PIGL: variants seen among roughly 807,000 people sequenced by gnomAD.
The protein encoded by PIGL is phosphatidylinositol glycan anchor biosynthesis class L, also known as N-acetylglucosaminyl-phosphatidylinositol de-N-acetylase.
A neutral mutation model predicts 31.1 loss-of-function variants in PIGL; 22 were observed. The ratio of observed to expected loss-of-function variants is 0.71; its 90% CI spans 0.51 to 1.01. The LOEUF is 1.01. Among genes scored for constraint, PIGL ranks in the 50% least tolerant of loss-of-function variants. PIGL has a pLI of 0.00. For missense variants in PIGL, 302 were observed against 315.9 expected (o/e 0.96, Z 0.33); for synonymous variants, 131 against 117.4 (o/e 1.12, Z -0.75).
chr17:16,250,625 G>C (rs191415002), intron 2 of PIGL, among the ~76,000 whole-genome samples: 3 of 152,308 alleles, frequency 2.0e-5, no homozygotes, highest in Admixed American at 2.0e-4. Context: ...GAAGAATGAA[G>C]AGGAAGAAGA....
At chr17:16,312,132 GCTGCCC>G (rs1334266922) in intron 3 of PIGL, among the ~76,000 whole-genome samples, 1 of 145,822 alleles carries the variant, frequency 6.9e-6, no homozygotes, top group African/African-American at 2.6e-5. Flanking sequence ...CCGGGCGGGG[GCTGCCC>G]GCAGCCCCCC....
chr17:16,267,040 T>G (rs1056751097), intron 2 of PIGL, among the ~76,000 whole-genome samples: 2 of 152,038 alleles, frequency 1.3e-5, no homozygotes, highest in Non-Finnish European at 2.9e-5. Context: ...AATGAGAGGG[T>G]TAGGGTGCCA....
chr17:16,238,195 C>CAAAAA (rs529480311), intron 2 of PIGL, among the ~76,000 whole-genome samples: 1 of 57,552 alleles, frequency 1.7e-5, no homozygotes, highest in African/African-American at 6.4e-5. Flanking sequence ...GACTCCGTCT[C>CAAAAA]AAAAAAAAAA....
intron 3 of PIGL, among the ~76,000 whole-genome samples, chr17:16,308,301 C>T (rs545504609): frequency 7.3e-5 from 11 of 151,410 alleles, no homozygotes; most frequent in African/African-American, 1.2e-4. Context: ...CACTGCACTC[C>T]AGTCTGGGTG....
At chr17:16,236,913 G>A (rs1000633537) in intron 2 of PIGL, among the ~76,000 whole-genome samples, 1 of 151,732 alleles carries the variant, frequency 6.6e-6, no homozygotes, top group African/African-American at 2.4e-5. Flanking sequence ...CTTTATAGTG[G>A]ACAGAGCTAA....
intron 3 of PIGL, among the ~76,000 whole-genome samples, chr17:16,303,879 T>C (rs1415261435): frequency 1.3e-5 from 2 of 152,102 alleles, no homozygotes. Flanking sequence ...CATGCTTGGC[T>C]AATTTTTTGT....
At chr17:16,301,907 G>A (rs1203508278) in intron 3 of PIGL, among the ~76,000 whole-genome samples, 1 of 151,610 alleles carries the variant, frequency 6.6e-6, no homozygotes, top group Non-Finnish European at 1.5e-5. Context: ...TGCTGTGTTG[G>A]CCAGGCTGGT....
chr17:16,232,265 C>T (rs1212318643), intron 1 of PIGL, among the ~76,000 whole-genome samples: 1 of 151,758 alleles, frequency 6.6e-6, no homozygotes, highest in Non-Finnish European at 1.5e-5. Context: ...GCAACAAGAG[C>T]AAAACTCTGT....
chr17:16,282,442 T>C (rs960829472), intron 2 of PIGL, among the ~76,000 whole-genome samples: 2 of 152,228 alleles, frequency 1.3e-5, no homozygotes, highest in African/African-American at 4.8e-5. Context: ...TTACTACTAT[T>C]ATGTAAAATA....
intron 2 of PIGL, among the ~76,000 whole-genome samples, chr17:16,258,069 A>AAGAGAGAGAGAG (rs749459552): frequency 1.3e-4 from 12 of 90,544 alleles, no homozygotes; most frequent in African/African-American, 3.4e-4. Flanking sequence ...GTCAGAAAGA[A>AAGAGAGAGAGAG]AGAGAGAGAG....
chr17:16,252,241 T>C (rs1466761138), intron 2 of PIGL, among the ~76,000 whole-genome samples: 4 of 151,924 alleles, frequency 2.6e-5, no homozygotes, highest in Non-Finnish European at 4.4e-5. Context: ...GCCTAGCTAA[T>C]TTTTGTATTT....
intron 3 of PIGL, among the ~76,000 whole-genome samples, chr17:16,304,670 G>T (rs911327294): frequency 6.6e-6 from 1 of 152,118 alleles, no homozygotes; most frequent in African/African-American, 2.4e-5. Flanking sequence ...AGCCTAGGGG[G>T]GTAGTAGTGT....
intron 2 of PIGL, among the ~76,000 whole-genome samples, chr17:16,256,841 C>T (rs2092795887): frequency 6.6e-6 from 1 of 152,128 alleles, no homozygotes; most frequent in East Asian, 1.9e-4. Context: ...GCATGCTCTA[C>T]CACACTAGGG....
At chr17:16,295,129 T>C (rs1278502183) in intron 2 of PIGL, among the ~76,000 whole-genome samples, 1 of 152,122 alleles carries the variant, frequency 6.6e-6, no homozygotes, top group Non-Finnish European at 1.5e-5. Flanking sequence ...GAGTCAAGAA[T>C]TAAATATATG....
chr17:16,289,660 T>C (rs1424190636), intron 2 of PIGL, among the ~76,000 whole-genome samples: 1 of 152,096 alleles, frequency 6.6e-6, no homozygotes, highest in Non-Finnish European at 1.5e-5. Flanking sequence ...GCTGCAAAGG[T>C]CTGGATTTGA....
At chr17:16,314,790 G>T (rs1000098518) in intron 4 of PIGL, among the ~76,000 whole-genome samples, 11 of 152,058 alleles carry the variant, frequency 7.2e-5, no homozygotes, top group Non-Finnish European at 1.6e-4. Context: ...AAATTTTTTT[G>T]ATGATATATG....
intron 5 of PIGL, 130 bp downstream of exon 5, chr17:16,316,842 A>T (rs2093079713): frequency 6.8e-7 from 1 of 1,480,482 alleles, no homozygotes; most frequent in Non-Finnish European, 9.1e-7. Context: ...AGGCCGCCAC[A>T]CTCTTCCTGA....
intron 1 of PIGL, chr17:16,217,724 A>G (rs1444704001): frequency 6.4e-6 from 3 of 467,718 alleles, no homozygotes; most frequent in Non-Finnish European, 7.7e-6. Flanking sequence ...CAGTACCTGC[A>G]TTTCCGTTGG....
At chr17:16,264,877 T>G (rs1166048407) in intron 2 of PIGL, among the ~76,000 whole-genome samples, 1 of 152,176 alleles carries the variant, frequency 6.6e-6, no homozygotes, top group African/African-American at 2.4e-5. Context: ...CCCGCCCTCC[T>G]CTGCCTCCCA....
Sources: gnomAD v4.1 joint callset for allele counts (sites outside exome capture counted in the v4.1 genomes callset) on GRCh38, gnomAD v4.1.1 for gene constraint, MANE v1.5 for transcripts, NCBI Gene and HGNC (gene_info 2026-07-23, HGNC 2026-07-21) for gene names.